The following BCAS1 variants were observed in gnomAD, a reference collection of about 807,000 sequenced individuals.
BCAS1 encodes breast carcinoma-amplified sequence 1.
In BCAS1, 46 loss-of-function variants were observed where a neutral mutation model predicts 65.4. The observed-to-expected ratio is 0.70, with a 90% CI of 0.55 to 0.90. BCAS1 has a LOEUF of 0.90. BCAS1 is among the 40% of genes least tolerant of loss of function. BCAS1 has a pLI of 0.00. For synonymous variants in BCAS1, 298 were observed against 293.5 expected, an observed-to-expected ratio of 1.02 and a Z score of -0.16; for missense variants, 793 against 771.2, an observed-to-expected ratio of 1.03 and a Z score of -0.33.
chr20:53,997,209 G>A (rs1022663788), intron 4 of BCAS1, among the ~76,000 whole-genome samples: 5 of 152,156 alleles, frequency 3.3e-5, no homozygotes, highest in African/African-American at 1.2e-4. Context: ...CTACAAACTC[G>A]ACAAAGACAG....
chr20:54,014,574 C>T (rs1279469846), intron 4 of BCAS1, among the ~76,000 whole-genome samples: 1 of 152,186 alleles, frequency 6.6e-6, no homozygotes, highest in African/African-American at 2.4e-5. Context: ...ATCTAGATTT[C>T]CTCATTGTGT....
At chr20:53,951,178 A>G (rs986683202) in intron 12 of BCAS1, among the ~76,000 whole-genome samples, 2 of 152,152 alleles carry the variant, frequency 1.3e-5, no homozygotes, top group Non-Finnish European at 2.9e-5. Flanking sequence ...TGGGTTAAAA[A>G]CGTGTAAACT....
At chr20:54,058,593 C>CTTTTTTTTTTTTT (rs3043223) in intron 2 of BCAS1, 54 bp downstream of exon 2, 51 of 1,224,762 alleles carry the variant, frequency 4.2e-5, no homozygotes, top group South Asian at 2.6e-4. Flanking sequence ...ACAGGAAGTT[C>CTTTTTTTTTTTTT]TTTTTTTTTT....
chr20:53,967,161 C>A (rs1568822527), intron 9 of BCAS1, 88 bp from the exon 10 acceptor site: 2 of 1,354,770 alleles, frequency 1.5e-6, no homozygotes, highest in South Asian at 1.3e-5. Context: ...TGTTGCCCCC[C>A]TGTCCACATA....
At chr20:53,947,416 A>T (rs2089361644) in intron 12 of BCAS1, among the ~76,000 whole-genome samples, 1 of 152,168 alleles carries the variant, frequency 6.6e-6, no homozygotes, top group African/African-American at 2.4e-5. Context: ...GATGACCAGG[A>T]CACCGTGAAA....
At chr20:53,971,996 C>CA (rs1363280198) in intron 9 of BCAS1, among the ~76,000 whole-genome samples, 1 of 152,190 alleles carries the variant, frequency 6.6e-6, no homozygotes, top group Non-Finnish European at 1.5e-5. Flanking sequence ...CCACAGGCTT[C>CA]AAAATCCTTA....
intron 12 of BCAS1, among the ~76,000 whole-genome samples, chr20:53,952,370 G>A (rs1480745832): frequency 6.6e-6 from 1 of 152,184 alleles, no homozygotes; most frequent in African/African-American, 2.4e-5. Flanking sequence ...GTAGAGGAGA[G>A]TAAAATAAGC....
chr20:53,993,868 G>A (rs1309835340), intron 6 of BCAS1, among the ~76,000 whole-genome samples: 1 of 152,148 alleles, frequency 6.6e-6, no homozygotes, highest in Non-Finnish European at 1.5e-5. Flanking sequence ...CAATACAAAT[G>A]TAGTCATGTC....
intron 4 of BCAS1, among the ~76,000 whole-genome samples, chr20:54,006,082 G>A (rs1331447422): frequency 1.3e-5 from 2 of 152,150 alleles, no homozygotes; most frequent in African/African-American, 4.8e-5. Context: ...AGGGCAAAGG[G>A]GCTAAACAGC....
At chr20:54,034,311 C>A (rs975793692) in intron 3 of BCAS1, among the ~76,000 whole-genome samples, 1 of 151,122 alleles carries the variant, frequency 6.6e-6, no homozygotes, top group East Asian at 1.9e-4. Context: ...ATAAATAAAG[C>A]GCATCCAAAT....
chr20:54,044,837 C>CAA (rs74179262), intron 3 of BCAS1, among the ~76,000 whole-genome samples: 1 of 132,734 alleles, frequency 7.5e-6, no homozygotes, highest in Non-Finnish European at 1.6e-5. Flanking sequence ...GACTCTGTCT[C>CAA]AAAAAAAAAA....
chr20:54,066,520 G>A (rs140694208), intron 1 of BCAS1, among the ~76,000 whole-genome samples: 1,555 of 152,326 alleles, frequency 0.01, 16 homozygotes, highest in Non-Finnish European at 0.015. Flanking sequence ...CGTGCAATAT[G>A]ACTGCATTTG....
intron 12 of BCAS1, among the ~76,000 whole-genome samples, chr20:53,952,763 C>T (rs1355927325): frequency 6.6e-6 from 1 of 152,204 alleles, no homozygotes; most frequent in African/African-American, 2.4e-5. Context: ...GCAAACACCT[C>T]ATTGTACCCA....
chr20:53,948,059 G>A (rs1047649645), intron 12 of BCAS1, among the ~76,000 whole-genome samples: 2 of 152,148 alleles, frequency 1.3e-5, no homozygotes, highest in Non-Finnish European at 2.9e-5. Flanking sequence ...TTCAAGTCCA[G>A]GAACAAGCTT....
chr20:54,052,789 C>T (rs1216192928), intron 3 of BCAS1, among the ~76,000 whole-genome samples: 3 of 152,098 alleles, frequency 2.0e-5, no homozygotes, highest in Non-Finnish European at 2.9e-5. Context: ...GCCTCTAGAA[C>T]TAAGAGAAAA....
Position 53,995,027 on chromosome 20 carries a change from C to CT in BCAS1, c.911dup (p.Asp305GlyfsTer14). 1.2e-6 allele frequency: 2 copies of CT among 1,613,250 alleles called. No individual in the cohort carries two copies. Among genetic ancestry groups the CT allele is most frequent in the Non-Finnish European group, 8.5e-7 (1 of 1,179,606 alleles). ...AACTACCTACCGTGTCTTCTGGGTC[C>CT]TTTTTTGTTTCAGCTTTGTTAGGTG... On this transcript the variant is annotated frameshift_variant, in exon 6 of 13. Coordinates refer to ENST00000688948, the MANE Select transcript of BCAS1 (RefSeq NM_001366298.2). LOFTEE classifies it high-confidence loss of function.
At chr20:53,949,103 A>C (rs1017028552) in intron 12 of BCAS1, among the ~76,000 whole-genome samples, 6 of 152,280 alleles carry the variant, frequency 3.9e-5, no homozygotes, top group African/African-American at 1.4e-4. Flanking sequence ...AGGGCCATCA[A>C]AGAAGTGGTG....
At chr20:53,955,192 G>A (rs1313387301) in intron 11 of BCAS1, among the ~76,000 whole-genome samples, 1 of 152,192 alleles carries the variant, frequency 6.6e-6, no homozygotes, top group Non-Finnish European at 1.5e-5. Flanking sequence ...TAAGCGGGAA[G>A]ACAAACAGCA....
At chr20:54,041,908 C>CAAAAAAAAAA (rs1391284796) in intron 3 of BCAS1, among the ~76,000 whole-genome samples, 2,382 of 66,962 alleles carry the variant, frequency 0.036, 580 homozygotes, top group Non-Finnish European at 0.053. Flanking sequence ...TCTGTCTCCC[C>CAAAAAAAAAA]CAAAAAAAAA....
Sources: gnomAD v4.1 joint callset for allele counts (sites outside exome capture counted in the v4.1 genomes callset) on GRCh38, gnomAD v4.1.1 for gene constraint, MANE v1.5 for transcripts, NCBI Gene and HGNC (gene_info 2026-07-23, HGNC 2026-07-21) for gene names.